The following GPR39 variants were observed in gnomAD, a reference collection of about 807,000 sequenced individuals.
GPR39 encodes G protein-coupled receptor 39.
Under a neutral mutation model 18.4 loss-of-function variants are expected in GPR39, and 23 were observed. The observed-to-expected ratio is 1.25, with a 90% CI of 0.90 to 1.77. The LOEUF (loss-of-function observed/expected upper bound fraction) is 1.77, where lower values mean the gene tolerates loss of function less well. GPR39 is among the 40% of genes most tolerant of loss of function. The pLI, the probability that GPR39 is intolerant of heterozygous loss-of-function variation, is 0.00. For synonymous variants in GPR39, 280 were observed against 257.9 expected (o/e 1.09, Z -0.82); for missense variants, 647 against 602.4 (o/e 1.07, Z -0.78).
chr2:132,588,430 C>T (rs1043407318), intron 1 of GPR39, among the ~76,000 whole-genome samples: 6 of 152,174 alleles, frequency 3.9e-5, no homozygotes, highest in Admixed American at 3.3e-4. Context: ...AGGCAGGGCA[C>T]AGTGAGAATG....
chr2:132,616,701 A>T (rs961324130), intron 1 of GPR39, among the ~76,000 whole-genome samples: 4 of 152,156 alleles, frequency 2.6e-5, no homozygotes, highest in African/African-American at 9.7e-5. Flanking sequence ...GAGCTCCTTG[A>T]GGGCCAAGAC....
At chr2:132,635,849 A>G (rs745757425) in intron 1 of GPR39, among the ~76,000 whole-genome samples, 24 of 152,152 alleles carry the variant, frequency 1.6e-4, no homozygotes, top group Admixed American at 3.3e-4. Flanking sequence ...AAGAAGAGGA[A>G]GAGAGCTTCT....
intron 1 of GPR39, among the ~76,000 whole-genome samples, chr2:132,476,114 A>G (rs539108319): frequency 4.7e-4 from 71 of 152,228 alleles, no homozygotes; most frequent in African/African-American, 1.6e-3. Flanking sequence ...TTTCAAGCCA[A>G]CACCTTACCT....
intron 1 of GPR39, among the ~76,000 whole-genome samples, chr2:132,619,836 C>CACAG (rs1558861172): frequency 8.4e-5 from 11 of 131,434 alleles, no homozygotes; most frequent in African/African-American, 2.4e-4. Context: ...CACAGACACA[C>CACAG]ACACACACAC....
intron 1 of GPR39, among the ~76,000 whole-genome samples, chr2:132,428,506 G>A (rs1036782893): frequency 6.6e-6 from 1 of 152,182 alleles, no homozygotes; most frequent in Non-Finnish European, 1.5e-5. Flanking sequence ...GGCTAACTGG[G>A]CTTCACTCCA....
intron 1 of GPR39, among the ~76,000 whole-genome samples, chr2:132,570,037 T>C (rs1304810974): frequency 6.6e-6 from 1 of 152,172 alleles, no homozygotes; most frequent in Non-Finnish European, 1.5e-5. Context: ...ACCGACCTTG[T>C]GCCTGGAAGC....
At chr2:132,575,410 T>C (rs1680513207) in intron 1 of GPR39, among the ~76,000 whole-genome samples, 1 of 152,254 alleles carries the variant, frequency 6.6e-6, no homozygotes, top group African/African-American at 2.4e-5. Context: ...ACCTAGTTTC[T>C]CTCAATGTCT....
rs575458246 is a variant in GPR39 at position 132,444,169 on chromosome 2, T to C, written c.856+26271T>C. 9.8e-5 allele frequency among the ~76,000 whole-genome samples: 15 copies of C among 152,344 alleles called. No individual in the cohort carries two copies. The South Asian group carries it at 2.9e-3, about 29-fold the overall frequency. On this transcript the variant is annotated intron_variant, in intron 1 of 1. Coordinates refer to ENST00000329321, the MANE Select transcript of GPR39 (RefSeq NM_001508.3). ...CAGCTTGGTTTGTAACTTTAAAATA[T>C]TTATGTGGCCTTCCATTTGTATTCT...
chr2:132,541,519 C>T (rs765622289), intron 1 of GPR39, among the ~76,000 whole-genome samples: 13 of 152,174 alleles, frequency 8.5e-5, no homozygotes, highest in East Asian at 5.8e-4. Context: ...TCATCCATAC[C>T]GCTCTCTCCT....
intron 1 of GPR39, among the ~76,000 whole-genome samples, chr2:132,596,813 G>A (rs1680958224): frequency 6.6e-6 from 1 of 152,206 alleles, no homozygotes. Context: ...CTCTGGGAAT[G>A]GAACTTCGGT....
intron 1 of GPR39, chr2:132,489,152 ATTC>A (rs1681406387): frequency 4.2e-6 from 1 of 238,402 alleles, no homozygotes; most frequent in African/African-American, 2.3e-5. Context: ...TCCTGGGGTT[ATTC>A]TTCTTTACAG....
rs189618293 is a variant in GPR39 at position 132,615,699 on chromosome 2, C to T, written c.857-29402C>T. The stretch of plus-strand genomic sequence containing the variant: ...GCAAGAGGGATTAGTTGCTTGCTTA[C>T]TTCTCCCTTTAGCCGTATTTATATT... On this transcript the variant is annotated intron_variant, in intron 1 of 1. Transcript: ENST00000329321. Among the ~76,000 whole-genome samples the T allele has an allele frequency of 9.4e-4, 143 of 152,322 alleles. 1 individual carries two copies. Among genetic ancestry groups the T allele is most frequent in the Admixed American group, 2.5e-3 (39 of 15,300 alleles).
chr2:132,585,738 A>G (rs2104827088), intron 1 of GPR39, among the ~76,000 whole-genome samples: 1 of 152,036 alleles, frequency 6.6e-6, no homozygotes, highest in African/African-American at 2.4e-5. Flanking sequence ...GGAGGGCCGG[A>G]CAGCCCGGTG....
chr2:132,480,184 A>C (rs1053670516), intron 1 of GPR39, among the ~76,000 whole-genome samples: 6 of 152,224 alleles, frequency 3.9e-5, no homozygotes, highest in African/African-American at 1.4e-4. Context: ...ATATGATTTG[A>C]CTTATATGAG....
chr2:132,471,112 G>T (rs10207453), intron 1 of GPR39, among the ~76,000 whole-genome samples: 2,988 of 152,252 alleles, frequency 0.02, 102 homozygotes, highest in African/African-American at 0.068. Flanking sequence ...GGAGTGTGGG[G>T]CAAAGAAAGT....
At chr2:132,428,517 G>C (rs1179104686) in intron 1 of GPR39, among the ~76,000 whole-genome samples, 1 of 152,210 alleles carries the variant, frequency 6.6e-6, no homozygotes, top group Non-Finnish European at 1.5e-5. Flanking sequence ...CTTCACTCCA[G>C]AGATGTTGTT....
At chr2:132,481,852 C>T (rs1040701897) in intron 1 of GPR39, among the ~76,000 whole-genome samples, 5 of 152,214 alleles carry the variant, frequency 3.3e-5, no homozygotes, top group African/African-American at 1.2e-4. Flanking sequence ...CCAGCCTCAG[C>T]ATGCCCTCCC....
At chr2:132,495,901 G>T (rs150957549) in intron 1 of GPR39, among the ~76,000 whole-genome samples, 1 of 151,438 alleles carries the variant, frequency 6.6e-6, no homozygotes, top group East Asian at 2.0e-4. Context: ...TTAGTCCTTA[G>T]CCACTGAAAA....
At position 132,645,437 on chromosome 2, in the gene GPR39, G is replaced by T. The variant is rs2104886944; in HGVS notation, c.1193G>T (p.Arg398Leu). The T allele has an allele frequency of 1.9e-6, 3 of 1,613,544 alleles. No individual in the cohort carries two copies. Among genetic ancestry groups the T allele is most frequent in the Non-Finnish European group, 2.5e-6 (3 of 1,180,028 alleles). Residue 398 changes from arginine to leucine, a missense_variant, in exon 2 of 2, where the codon CGC becomes CTC. By Grantham distance (102) the Arg-to-Leu change is moderately radical. This residue lies in a region of GPR39 where 581 missense variants were observed against 506.8 expected (regional missense o/e 1.15). Transcript: ENST00000329321. ...VQRPLLFASRRQSSARRTEKI... is the reference protein window; with the variant it reads ...VQRPLLFASRLQSSARRTEKI... ...CGCCCGTTGCTCTTCGCGTCCCGGC[G>T]CCAGTCCTCTGCAAGGAGAACTGAG... is the stretch of plus-strand genomic sequence containing the variant.
Sources: gnomAD v4.1 joint callset for allele counts (sites outside exome capture counted in the v4.1 genomes callset) on GRCh38, gnomAD v4.1.1 for gene constraint, gnomAD v4.1.1 regional missense constraint, MANE v1.5 for transcripts, NCBI Gene and HGNC (gene_info 2026-07-23, HGNC 2026-07-21) for gene names.